The following ATIC variants were observed in gnomAD, a reference collection of about 807,000 sequenced individuals.
The protein encoded by ATIC is bifunctional purine biosynthesis protein ATIC.
A neutral mutation model predicts 72.5 loss-of-function variants in ATIC; 64 were observed. The observed-to-expected ratio is 0.88, with a 90% CI of 0.72 to 1.09. The LOEUF is 1.09. ATIC is among the 50% of genes least tolerant of loss of function. The pLI is 0.00. For synonymous variants in ATIC, 281 were observed against 267.1 expected, an observed-to-expected ratio of 1.05 and a Z score of -0.51; for missense variants, 787 against 732.4, an observed-to-expected ratio of 1.07 and a Z score of -0.86.
downstream of ATIC, among the ~76,000 whole-genome samples, chr2:215,349,952 A>G (rs969101772): frequency 1.3e-5 from 2 of 152,172 alleles, no homozygotes; most frequent in African/African-American, 4.8e-5. Context: ...GCCAGAGGAC[A>G]TGGCACAAGT....
At chr2:215,339,561 A>G (rs1455939918) in intron 12 of ATIC, among the ~76,000 whole-genome samples, 2 of 152,224 alleles carry the variant, frequency 1.3e-5, no homozygotes, top group East Asian at 1.9e-4. Flanking sequence ...TCCATGTGGC[A>G]GTCAGTCCAT....
chr2:215,345,718 G>T (rs1315699116), intron 13 of ATIC: 1 of 152,276 alleles, frequency 6.6e-6, no homozygotes, highest in Non-Finnish European at 1.5e-5. Flanking sequence ...GGGAGATTGT[G>T]TCTACTGGTG....
rs1434526754 is a variant in ATIC at position 215,336,112 on chromosome 2, T to G, written c.1086T>G (p.Tyr362Ter). The G allele has an allele frequency of 6.2e-7, 1 of 1,611,454 alleles. No homozygotes were observed. The highest frequency in any genetic ancestry group is 2.2e-5 in the East Asian group (1 of 44,816). The change falls in exon 11 of 16, where the codon TAT becomes TAG. Residue 362 changes from tyrosine (Y) to a stop codon, truncating the protein, a stop_gained. Coordinates refer to ENST00000236959, the MANE Select transcript of ATIC (RefSeq NM_004044.7). LOFTEE classifies it high-confidence loss of function. The stretch of plus-strand genomic sequence containing the variant: ...TTTCCAAAAAGAAAAATGGAAACTA[T>G]TGTGTCCTTCAGGTGAGTGCAATTC... Reference protein sequence around the residue: ...TILSKKKNGNYCVLQMDQSYK... With the variant: ...TILSKKKNGN
At position 215,327,123 on chromosome 2, in the gene ATIC, C is replaced by T. The variant is rs894604394; in HGVS notation, c.688+145C>T. 56 of 1,334,648 alleles carry T rather than the reference C, an allele frequency of 4.2e-5. 1 individual carries two copies. The South Asian group carries it at 4.7e-4, about 11-fold the overall frequency. The allele number at this position is 1,334,648 out of a possible 1,614,324, so 82.7% of individuals were successfully genotyped here. ...CATCTGATAACCATCTGGTTTGAGA[C>T]GCCATTTGGACTGAAGAGCACAGAA... On this transcript the variant is annotated intron_variant, in intron 7 of 15. Transcript: ENST00000236959.
chr2:215,338,463 A>T (rs951315865), intron 11 of ATIC, among the ~76,000 whole-genome samples: 3 of 152,190 alleles, frequency 2.0e-5, no homozygotes, highest in African/African-American at 7.2e-5. Context: ...CACTCACTGG[A>T]ATCATTGTTT....
Position 215,335,023 on chromosome 2 carries a change from A to G in ATIC, c.1008+19A>G, listed in dbSNP as rs763605892. ...CAGAGAAGTTAGTGGACATTCATGT[A>G]TCTTAATCTGTGTGTTGAATAAAGC... On this transcript the variant is annotated intron_variant, in intron 10 of 15. Transcript: ENST00000236959. 5.1e-6 allele frequency: 8 copies of G among 1,573,488 alleles called. No individual in the cohort carries two copies. The highest frequency in any genetic ancestry group is 7.0e-6 in the Non-Finnish European group (8 of 1,143,740).
At chr2:215,325,164 C>T in intron 4 of ATIC, 77 bp from the exon 5 acceptor site, 2 of 1,063,100 alleles carry the variant, frequency 1.9e-6, no homozygotes, top group South Asian at 1.3e-5. Context: ...ATAGTACTGA[C>T]TTGTTTTTTT....
the ATIC span, among the ~76,000 whole-genome samples, chr2:215,366,465 T>C: frequency 6.6e-6 from 1 of 152,022 alleles, no homozygotes; most frequent in Non-Finnish European, 1.5e-5. Flanking sequence ...CCGGATAAAA[T>C]AAAACAAAAG....
intron 7 of ATIC, among the ~76,000 whole-genome samples, chr2:215,327,241 G>A (rs983835930): frequency 3.9e-5 from 6 of 152,212 alleles, no homozygotes; most frequent in Admixed American, 1.3e-4. Context: ...CATGAGACAG[G>A]ATGGGATGGC....
the ATIC span, among the ~76,000 whole-genome samples, chr2:215,356,041 C>G: frequency 1.3e-5 from 2 of 152,220 alleles, no homozygotes; most frequent in Non-Finnish European, 2.9e-5. Context: ...CTCCTACTTA[C>G]AAGCTATGTG....
At chr2:215,321,917 T>G (rs113566171) in intron 4 of ATIC, among the ~76,000 whole-genome samples, 8 of 150,636 alleles carry the variant, frequency 5.3e-5, no homozygotes, top group Admixed American at 2.6e-4. Flanking sequence ...AGTTTTTTCT[T>G]TTTTTTGAGA....
At chr2:215,340,598 T>G (rs952255835) in intron 12 of ATIC, among the ~76,000 whole-genome samples, 1 of 152,218 alleles carries the variant, frequency 6.6e-6, no homozygotes, top group Non-Finnish European at 1.5e-5. Flanking sequence ...CTTGTCCTTC[T>G]TTTGGGCAGA....
At chr2:215,319,166 C>T (rs1188759148) in intron 3 of ATIC, among the ~76,000 whole-genome samples, 6 of 152,168 alleles carry the variant, frequency 3.9e-5, no homozygotes, top group Admixed American at 3.3e-4. Flanking sequence ...AGACATGAGC[C>T]ACTGTGGCCA....
chr2:215,358,787 G>A, the ATIC span, among the ~76,000 whole-genome samples: 1 of 152,308 alleles, frequency 6.6e-6, no homozygotes, highest in South Asian at 2.1e-4. Context: ...ACCTTAAGTG[G>A]GGAACTTGAG....
In ATIC at chr2:215,349,549, A is replaced by T. The variant is rs997076259; in HGVS notation, c.1673A>T (p.Tyr558Phe). The change falls in exon 16 of 16, where the codon TAC (tyrosine) becomes TTC (phenylalanine). Residue 558 changes from tyrosine to phenylalanine, a missense_variant. By Grantham distance (22) the Tyr-to-Phe change is conservative (BLOSUM62 3). Coordinates refer to ENST00000236959, the MANE Select transcript of ATIC (RefSeq NM_004044.7). ...TACTTCCCCCAGAGTGGTGTGGCGTACATTGCGGCTCCCTCCGGTTCTGCT... is the reference window on the plus strand; with the variant it reads ...TACTTCCCCCAGAGTGGTGTGGCGTTCATTGCGGCTCCCTCCGGTTCTGCT... ...VDRAKRSGVA[Y>F]IAAPSGSAAD... is the part of the protein sequence containing the mutation. 1 of 1,614,082 alleles carries T rather than the reference A, an allele frequency of 6.2e-7. No individual in the cohort carries two copies. Among genetic ancestry groups the T allele is most frequent in the Non-Finnish European group, 8.5e-7 (1 of 1,180,048 alleles).
intron 1 of ATIC, 61 bp from the exon 2 acceptor site, chr2:215,312,437 G>A (rs1300955457): frequency 1.2e-6 from 2 of 1,613,432 alleles, no homozygotes; most frequent in Non-Finnish European, 1.7e-6. Flanking sequence ...ACCCTCCCAA[G>A]GCCTTGCAGA....
rs28586952 is a variant in ATIC at position 215,347,751 on chromosome 2, A to G, written c.1503+810A>G. 8.4e-3 allele frequency: 3,858 copies of G among 458,872 alleles called. 33 individuals carry two copies. The highest frequency in any genetic ancestry group is 0.011 in the Non-Finnish European group (2,534 of 231,258). 28.4% of individuals were successfully genotyped at this position (458,872 alleles called of 1,614,324 possible). A position where few individuals can be genotyped will look rare whatever the true frequency, so the allele number is the denominator to read the frequency against. ...TTGATATTACCAGTCAACCCCTGCT[A>G]CTAGTCCTGAAAGAGTCCTGGAAGT... On this transcript the variant is annotated intron_variant, in intron 14 of 15. Coordinates refer to ENST00000236959, the MANE Select transcript of ATIC (RefSeq NM_004044.7).
the ATIC span, chr2:215,365,809 T>A: frequency 8.2e-4 from 133 of 161,792 alleles, no homozygotes; most frequent in African/African-American, 8.5e-3. Flanking sequence ...ACTTTTTATT[T>A]TTTTTTTTTT....
At chr2:215,366,321 C>A in the ATIC span, among the ~76,000 whole-genome samples, 3 of 151,950 alleles carry the variant, frequency 2.0e-5, no homozygotes, top group Admixed American at 2.0e-4. Context: ...AGGAATAGAT[C>A]CTAGATGAAA....
Sources: allele counts gnomAD v4.1 joint callset (sites outside exome capture counted in the v4.1 genomes callset), GRCh38; gene constraint gnomAD v4.1.1; transcripts MANE v1.5; gene names NCBI Gene and HGNC (gene_info 2026-07-23, HGNC 2026-07-21).